PTPRN2: variants seen among roughly 807,000 people sequenced by gnomAD.
PTPRN2 encodes the protein receptor-type tyrosine-protein phosphatase N2.
PTPRN2 carries 74 observed loss-of-function variants against 118.8 expected under a neutral mutation model. That is an observed-to-expected ratio of 0.62 (90% CI 0.52 to 0.76). The LOEUF (loss-of-function observed/expected upper bound fraction) is 0.76. PTPRN2 is among the 30% of genes least tolerant of loss of function. PTPRN2 has a pLI of 0.00. For synonymous variants in PTPRN2, 641 were observed against 608.0 expected (o/e 1.05, Z -0.80); for missense variants, 1,481 against 1,394.4 (o/e 1.06, Z -0.99).
At position 157,792,400 on chromosome 7, in the gene PTPRN2, T is replaced by C. The variant is rs565443801; in HGVS notation, c.1788+106273A>G. The stretch of plus-strand genomic sequence containing the variant: ...CTGGGTCCCCTCTTTGCTGTGGCTC[T>C]GGCGGACATTAGCCAGCAGTGGAGA... On this transcript the variant is annotated intron_variant, in intron 12 of 22. Coordinates refer to ENST00000389418, the MANE Select transcript of PTPRN2 (RefSeq NM_002847.5). Among the ~76,000 whole-genome samples, 5 of 152,346 alleles carry C rather than the reference T, an allele frequency of 3.3e-5. No individual in the cohort carries two copies. The South Asian group carries it at 6.2e-4, about 19-fold the overall frequency.
chr7:158,294,839 CAT>C (rs1800358118), intron 3 of PTPRN2, among the ~76,000 whole-genome samples: 1 of 151,680 alleles, frequency 6.6e-6, no homozygotes, highest in African/African-American at 2.4e-5. Context: ...CACTGCACCA[CAT>C]CGTGGTTCAC....
chr7:158,010,731 T>C (rs1256918734), intron 11 of PTPRN2, among the ~76,000 whole-genome samples: 1 of 152,232 alleles, frequency 6.6e-6, no homozygotes, highest in Non-Finnish European at 1.5e-5. Context: ...CTTTAAAAAG[T>C]CTATTTTTTA....
chr7:158,424,948 T>G (rs182534235), intron 2 of PTPRN2, among the ~76,000 whole-genome samples: 1 of 152,202 alleles, frequency 6.6e-6, no homozygotes, highest in East Asian at 1.9e-4. Flanking sequence ...TAATCTCCCA[T>G]ACCAGCTCAC....
chr7:158,139,407 T>C (rs1379116832), intron 6 of PTPRN2, among the ~76,000 whole-genome samples: 2 of 152,044 alleles, frequency 1.3e-5, no homozygotes, highest in South Asian at 2.1e-4. Flanking sequence ...ATAGAAGCGA[T>C]CATCGTTGGA....
chr7:158,011,143 G>A (rs780974791), intron 11 of PTPRN2, among the ~76,000 whole-genome samples: 2 of 152,256 alleles, frequency 1.3e-5, no homozygotes, highest in Non-Finnish European at 1.5e-5. Flanking sequence ...TCTCTGCGGT[G>A]ATTTTACCCA....
chr7:157,653,971 G>A (rs959112983), intron 14 of PTPRN2, among the ~76,000 whole-genome samples: 12 of 38,552 alleles, frequency 3.1e-4, no homozygotes, highest in Admixed American at 3.6e-4. Context: ...CACCCACCCC[G>A]ACTCCACACC....
At chr7:158,287,948 C>T (rs1353727634) in intron 3 of PTPRN2, among the ~76,000 whole-genome samples, 2 of 152,156 alleles carry the variant, frequency 1.3e-5, no homozygotes, top group Non-Finnish European at 2.9e-5. Context: ...GTCCATCTCT[C>T]TTTCTTCAGA....
intron 12 of PTPRN2, among the ~76,000 whole-genome samples, chr7:157,746,489 C>A (rs73516896): frequency 1.4e-5 from 2 of 146,180 alleles, no homozygotes; most frequent in East Asian, 4.2e-4. Context: ...AAGGAGATCA[C>A]GGGACTCCCT....
intron 1 of PTPRN2, chr7:158,539,394 G>A (rs1214931538): frequency 6.6e-6 from 1 of 152,276 alleles, no homozygotes; most frequent in Admixed American, 6.5e-5. Flanking sequence ...TCAAAAACAA[G>A]CCTTTTGTTT....
rs780862504 is a variant in PTPRN2 at position 158,520,748 on chromosome 7, C to T, written c.113-30963G>A. Among the ~76,000 whole-genome samples the T allele has an allele frequency of 1.8e-4, 27 of 152,290 alleles. No homozygotes were observed. The South Asian group carries it at 2.3e-3, about 13-fold the overall frequency. The stretch of plus-strand genomic sequence containing the variant: ...TAGAAACAAACATACGAAGAACGAT[C>T]GGGTGGCTGCTTATCAGAAAATCCT... On this transcript the variant is annotated intron_variant, in intron 1 of 22. Coordinates refer to ENST00000389418, the MANE Select transcript of PTPRN2 (RefSeq NM_002847.5).
intron 9 of PTPRN2, among the ~76,000 whole-genome samples, chr7:158,127,154 C>T (rs1320766320): frequency 1.3e-5 from 2 of 152,302 alleles, no homozygotes; most frequent in East Asian, 1.9e-4. Flanking sequence ...TTCCCTCAGC[C>T]GGCCTCCCCG....
chr7:158,067,784 G>A (rs553378838), intron 11 of PTPRN2, among the ~76,000 whole-genome samples: 23 of 151,668 alleles, frequency 1.5e-4, no homozygotes, highest in African/African-American at 4.1e-4. Flanking sequence ...AGGCCGGGCC[G>A]CGGGCAGCAC....
intron 2 of PTPRN2, among the ~76,000 whole-genome samples, chr7:158,462,449 T>TG (rs1468755458): frequency 6.6e-6 from 1 of 152,174 alleles, no homozygotes; most frequent in Non-Finnish European, 1.5e-5. Flanking sequence ...ATACCGTACT[T>TG]GCATTTGACA....
At chr7:158,130,453 T>C (rs1426767668) in intron 9 of PTPRN2, among the ~76,000 whole-genome samples, 1 of 33,046 alleles carries the variant, frequency 3.0e-5, no homozygotes, top group Non-Finnish European at 5.6e-5. Flanking sequence ...GATACACATC[T>C]ACCCAACACA....
chr7:158,154,519 C>T (rs1046999250), intron 6 of PTPRN2, among the ~76,000 whole-genome samples: 1 of 152,212 alleles, frequency 6.6e-6, no homozygotes, highest in East Asian at 1.9e-4. Flanking sequence ...CCCTTTGGTT[C>T]GAGTCTTGTT....
At chr7:158,283,131 C>T (rs1322066124) in intron 3 of PTPRN2, among the ~76,000 whole-genome samples, 6 of 152,224 alleles carry the variant, frequency 3.9e-5, no homozygotes, top group African/African-American at 9.6e-5. Context: ...CAGGGGAAGA[C>T]GCATTCGACA....
chr7:158,337,479 A>T (rs1193842706), intron 2 of PTPRN2, among the ~76,000 whole-genome samples: 8 of 150,188 alleles, frequency 5.3e-5, no homozygotes, highest in African/African-American at 9.9e-5. Context: ...TCACCATAAG[A>T]GGTGACACCT....
At chr7:158,092,361 G>A (rs1399531477) in intron 10 of PTPRN2, among the ~76,000 whole-genome samples, 1 of 150,236 alleles carries the variant, frequency 6.7e-6, no homozygotes, top group African/African-American at 2.5e-5. Flanking sequence ...TGGGTAGAAG[G>A]ATGGATGGAT....
intron 6 of PTPRN2, among the ~76,000 whole-genome samples, chr7:158,141,581 C>G (rs1819392022): frequency 6.6e-6 from 1 of 152,188 alleles, no homozygotes; most frequent in Non-Finnish European, 1.5e-5. Flanking sequence ...TTAATTGAAG[C>G]TGGTTCTTCA....
Sources: allele counts gnomAD v4.1 joint callset (sites outside exome capture counted in the v4.1 genomes callset), GRCh38; gene constraint gnomAD v4.1.1; transcripts MANE v1.5; gene names NCBI Gene and HGNC (gene_info 2026-07-23, HGNC 2026-07-21).